Variants in PSD3 observed in about 807,000 individuals in gnomAD.
PSD3 encodes PH and SEC7 domain-containing protein 3.
Under a neutral mutation model 105.5 loss-of-function variants are expected in PSD3, and 49 were observed. The ratio of observed to expected loss-of-function variants is 0.46; its 90% CI spans 0.37 to 0.59. The LOEUF is 0.59. Among genes scored for constraint, PSD3 ranks in the 20% least tolerant of loss-of-function variants. The pLI is 0.00. For missense variants in PSD3, 1,561 were observed against 1,263.8 expected, an observed-to-expected ratio of 1.24 and a Z score of -3.57; for synonymous variants, 557 against 457.8, an observed-to-expected ratio of 1.22 and a Z score of -2.77.
intron 10 of PSD3, among the ~76,000 whole-genome samples, chr8:18,647,543 G>C (rs1208233003): frequency 2.0e-5 from 3 of 149,486 alleles, no homozygotes; most frequent in Non-Finnish European, 3.0e-5. Flanking sequence ...CAATGCTGCT[G>C]TAACTAAAAC....
intron 1 of PSD3, among the ~76,000 whole-genome samples, chr8:18,967,549 G>C (rs1225886804): frequency 1.3e-5 from 2 of 152,156 alleles, no homozygotes; most frequent in South Asian, 4.1e-4. Flanking sequence ...ACTATTTCCA[G>C]AAAGCCCAGC....
chr8:18,612,112 C>G (rs1805310357), intron 11 of PSD3, among the ~76,000 whole-genome samples: 2 of 152,056 alleles, frequency 1.3e-5, no homozygotes, highest in African/African-American at 4.8e-5. Flanking sequence ...TTATTATAAC[C>G]CACAAAGCAG....
At chr8:18,723,307 G>A (rs996233595) in intron 9 of PSD3, among the ~76,000 whole-genome samples, 2 of 152,200 alleles carry the variant, frequency 1.3e-5, no homozygotes, top group African/African-American at 4.8e-5. Flanking sequence ...AGTGCCATAA[G>A]TAATACTTAG....
intron 10 of PSD3, among the ~76,000 whole-genome samples, chr8:18,633,981 T>G (rs1807078415): frequency 6.6e-6 from 1 of 151,876 alleles, no homozygotes. Flanking sequence ...AGATGGTATC[T>G]CATTGTGGTT....
intron 1 of PSD3, among the ~76,000 whole-genome samples, chr8:19,031,282 G>A (rs193025544): frequency 9.2e-5 from 14 of 152,198 alleles, no homozygotes; most frequent in South Asian, 4.1e-4. Flanking sequence ...GATTACTTCC[G>A]TTGACTAATA....
chr8:18,946,854 G>A (rs1166151991), intron 1 of PSD3, among the ~76,000 whole-genome samples: 3 of 143,096 alleles, frequency 2.1e-5, no homozygotes, highest in African/African-American at 2.6e-5. Flanking sequence ...GCAGTGAGCT[G>A]AGATTGTGCC....
In PSD3 at chr8:18,563,834, G is replaced by C. The variant is rs928965590; in HGVS notation, c.2785-7482C>G. 1.2e-4 allele frequency among the ~76,000 whole-genome samples: 19 copies of C among 152,180 alleles called. 1 individual carries two copies. The highest frequency in any genetic ancestry group is 1.1e-3 in the Admixed American group (17 of 15,274). ...GTGACATAATTAGAATCATATTTTA[G>C]TCAGAACTGTAAAGGGTGGATCAGA... On this transcript the variant is annotated intron_variant, in intron 14 of 15. Coordinates refer to ENST00000327040, the MANE Select transcript of PSD3 (RefSeq NM_015310.4).
chr8:18,682,843 T>G (rs1475953298), intron 9 of PSD3, among the ~76,000 whole-genome samples: 1 of 152,028 alleles, frequency 6.6e-6, no homozygotes, highest in Non-Finnish European at 1.5e-5. Context: ...CTGATGTCAC[T>G]CTCAGTGGGT....
Position 18,575,260 on chromosome 8 carries a change from A to G in PSD3, c.2507T>C (p.Leu836Ser). 1 of 1,611,958 alleles carries G rather than the reference A, an allele frequency of 6.2e-7. No homozygotes were observed. The highest frequency in any genetic ancestry group is 8.5e-7 in the Non-Finnish European group (1 of 1,178,930). The change falls in exon 13 of 16, where the codon TTG becomes TCG. Residue 836 changes from leucine to serine, a missense_variant. Coordinates refer to ENST00000327040, the MANE Select transcript of PSD3 (RefSeq NM_015310.4). ...QKDEYKPEKA[L>S]SEEDLKNAVS... Reference sequence around the variant, plus strand: ...AGCGTTTTTCAAGTCCTCTTCAGACAAGGCCTTTTCTGGCTTGTATTCATC... The same window carrying G: ...AGCGTTTTTCAAGTCCTCTTCAGACGAGGCCTTTTCTGGCTTGTATTCATC...
At chr8:18,733,065 C>T (rs1453970768) in intron 9 of PSD3, 1 of 152,106 alleles carries the variant, frequency 6.6e-6, no homozygotes, top group Admixed American at 6.6e-5. Flanking sequence ...TTGGTTACAA[C>T]ATCTTATTAG....
At chr8:18,590,698 A>T (rs1803534967) in intron 12 of PSD3, among the ~76,000 whole-genome samples, 2 of 152,138 alleles carry the variant, frequency 1.3e-5, no homozygotes, top group African/African-American at 4.8e-5. Flanking sequence ...ACTAAAAAAG[A>T]GTATGTCTGA....
chr8:18,651,483 GTTCC>G (rs1321178642), intron 10 of PSD3, among the ~76,000 whole-genome samples: 4 of 152,094 alleles, frequency 2.6e-5, no homozygotes, highest in African/African-American at 9.7e-5. Flanking sequence ...AAGAAATGTG[GTTCC>G]TTCATTACCA....
At chr8:18,888,552 A>C (rs947132593) in intron 2 of PSD3, among the ~76,000 whole-genome samples, 5 of 152,192 alleles carry the variant, frequency 3.3e-5, no homozygotes, top group African/African-American at 7.2e-5. Flanking sequence ...GAAATACATA[A>C]AGCACTCAGA....
At chr8:18,575,851 A>G (rs1475403855) in intron 12 of PSD3, among the ~76,000 whole-genome samples, 1 of 152,122 alleles carries the variant, frequency 6.6e-6, no homozygotes, top group African/African-American at 2.4e-5. Flanking sequence ...AGAAAAGAGG[A>G]AAATCAATAA....
At chr8:18,670,783 G>A (rs1799741987) in intron 9 of PSD3, among the ~76,000 whole-genome samples, 1 of 152,148 alleles carries the variant, frequency 6.6e-6, no homozygotes. Flanking sequence ...ATGTGTGCGA[G>A]TATCTGGGCA....
At chr8:18,691,003 A>C (rs1432138038) in intron 9 of PSD3, among the ~76,000 whole-genome samples, 1 of 150,956 alleles carries the variant, frequency 6.6e-6, no homozygotes, top group South Asian at 2.1e-4. Flanking sequence ...GGCGGTTAGG[A>C]GTAAAAAAAA....
Position 18,791,410 on chromosome 8 carries a change from C to G in PSD3, c.2082+7885G>C, listed in dbSNP as rs570652837. 1.3e-4 allele frequency among the ~76,000 whole-genome samples: 20 copies of G among 152,072 alleles called. No homozygotes were observed. The South Asian group carries it at 2.7e-3, about 21-fold the overall frequency. On this transcript the variant is annotated intron_variant, in intron 8 of 15. Coordinates refer to ENST00000327040, the MANE Select transcript of PSD3 (RefSeq NM_015310.4). ...AGATCAATGGAACAGAATAGAGAACCCAGAAATAAGACTGCATGCCTACAA... is the reference window on the plus strand; with the variant it reads ...AGATCAATGGAACAGAATAGAGAACGCAGAAATAAGACTGCATGCCTACAA...
exon 1 of PSD3, chr8:19,084,515 G>C (rs1481714710): frequency 2.4e-6 from 1 of 424,506 alleles, no homozygotes; most frequent in African/African-American, 2.0e-5. Context: ...AGGGACTGCT[G>C]CTTTCATCAC....
intron 9 of PSD3, among the ~76,000 whole-genome samples, chr8:18,761,899 A>G (rs1484879692): frequency 2.0e-5 from 3 of 152,204 alleles, no homozygotes; most frequent in Admixed American, 1.3e-4. Context: ...GTACTATGTG[A>G]ATCATACCAG....
Sources: gnomAD v4.1 joint callset for allele counts (sites outside exome capture counted in the v4.1 genomes callset) on GRCh38, gnomAD v4.1.1 for gene constraint, MANE v1.5 for transcripts, NCBI Gene and HGNC (gene_info 2026-07-23, HGNC 2026-07-21) for gene names.